SPTBN5: variants seen among roughly 807,000 people sequenced by gnomAD.
SPTBN5 encodes spectrin beta, non-erythrocytic 5.
A neutral mutation model predicts 477.6 loss-of-function variants in SPTBN5; 513 were observed. That is an observed-to-expected ratio of 1.07 (90% CI 1.00 to 1.16). SPTBN5 has a LOEUF of 1.16. Ranked by LOEUF, SPTBN5 falls within the 50% of genes most tolerant of loss-of-function variation. The pLI, the probability that SPTBN5 is intolerant of heterozygous loss-of-function variation, is 0.00. For synonymous variants in SPTBN5, 2,169 were observed against 2,011.7 expected (o/e 1.08, Z -2.09); for missense variants, 5,062 against 4,731.8 (o/e 1.07, Z -2.05).
In SPTBN5 at chr15:41,862,891, G is replaced by T; in HGVS notation, c.7162C>A (p.Gln2388Lys). Residue 2388 changes from glutamine to lysine, a missense_variant, in exon 42 of 68, where the codon CAG becomes AAG. Physicochemically the swap from Gln to Lys is moderately conservative, Grantham distance 53. Transcript: ENST00000320955. ...KRIQEKEALI[Q>K]ALDCGKDLES... ...AGATCTTTCCCACAGTCCAGGGCCT[G>T]GATCAGGGCTTCCTGGAGGAGGGGC... 1 of 1,579,628 alleles carries T rather than the reference G, an allele frequency of 6.3e-7. No homozygotes were observed. Among genetic ancestry groups the T allele is most frequent in the Admixed American group, 1.8e-5 (1 of 55,232 alleles).
rs11070351 is a variant in SPTBN5, at chr15:41,865,036, G to A, written c.6918+772C>T. On this transcript the variant is annotated intron_variant, in intron 39 of 67. Coordinates refer to ENST00000320955, the MANE Select transcript of SPTBN5 (RefSeq NM_016642.4). ...TTCCTACTGCAGCATCTGGCACAGCGTCTGTGAAATTCCACCATTAACAAG... is the reference window on the plus strand; with the variant it reads ...TTCCTACTGCAGCATCTGGCACAGCATCTGTGAAATTCCACCATTAACAAG... Among the ~76,000 whole-genome samples, 199 of 152,314 alleles carry A rather than the reference G, an allele frequency of 1.3e-3. 1 individual carries two copies. Among genetic ancestry groups the A allele is most frequent in the African/African-American group, 4.6e-3 (193 of 41,558 alleles).
rs556029022 is a variant in SPTBN5, at chr15:41,863,767, C to A, written c.7086G>T (p.Gly2362=). The A allele has an allele frequency of 1.9e-5, 30 of 1,613,808 alleles. No individual in the cohort carries two copies. In the South Asian group the frequency reaches 2.5e-4, roughly 14 times the overall value. Reference sequence around the variant, plus strand: ...GGGACAACACGTGTATCTCCAAGGCCCCTTCGAGCTGCTGCTGGTACCGGA... The same window carrying A: ...GGGACAACACGTGTATCTCCAAGGCACCTTCGAGCTGCTGCTGGTACCGGA... ...NLLRYQQQLE[G]ALEIHVLSRE... is the part of the protein sequence containing the mutation. Residue 2362 remains glycine, a synonymous_variant, in exon 41 of 68, where the codon GGG becomes GGT. Coordinates refer to ENST00000320955, the MANE Select transcript of SPTBN5 (RefSeq NM_016642.4).
chr15:41,869,877 C>A lies in SPTBN5; in HGVS notation c.5817G>T (p.Leu1939=). ...AGCGGGCCAGGAGGCGTGCCCGCTCCAGCTGGGCCCTGCGCTGCTCCATGC... is the reference window on the plus strand; with the variant it reads ...AGCGGGCCAGGAGGCGTGCCCGCTCAAGCTGGGCCCTGCGCTGCTCCATGC... ...QRRMEQRRAQ[L]ERARLLARFR... The change falls in exon 32 of 68, where the codon CTG becomes CTT. Residue 1939 remains leucine, a synonymous_variant. Transcript: ENST00000320955. 6.4e-7 allele frequency: 1 copy of A among 1,553,496 alleles called. No homozygotes were observed. The highest frequency in any genetic ancestry group is 8.6e-7 in the Non-Finnish European group (1 of 1,158,980).
intron 66 of SPTBN5, chr15:41,850,307 A>G: frequency 3.1e-6 from 1 of 323,466 alleles, no homozygotes; most frequent in South Asian, 3.9e-5. Context: ...CAGAGCTAGG[A>G]TCCCAGACAC....
intron 47 of SPTBN5, 30 bp downstream of exon 47, chr15:41,860,556 C>A: frequency 7.3e-7 from 1 of 1,365,032 alleles, no homozygotes; most frequent in East Asian, 3.0e-5. Context: ...AGCCTGCCCA[C>A]AGCACCCCTC....
chr15:41,864,957 C>T (rs1450016217), intron 39 of SPTBN5, among the ~76,000 whole-genome samples: 2 of 152,262 alleles, frequency 1.3e-5, no homozygotes. Flanking sequence ...GCTAACCTGG[C>T]TCCTTTGCGG....
rs544309533 is a variant in SPTBN5 at position 41,856,313 on chromosome 15, G to A, written c.9021+73C>T. 177 of 1,365,068 alleles carry A rather than the reference G, an allele frequency of 1.3e-4. 1 individual carries two copies. In the Middle Eastern group the frequency reaches 1.3e-3, roughly 10 times the overall value. 84.6% of individuals were successfully genotyped at this position (1,365,068 alleles called of 1,614,324 possible). On this transcript the variant is annotated intron_variant, in intron 53 of 67. Coordinates refer to ENST00000320955, the MANE Select transcript of SPTBN5 (RefSeq NM_016642.4). ...GAAAGGTGCCCAGGCCAGGAGCCCC[G>A]GAGTGACCTCCCAGCCGCACTCGCC...
rs371238537 is a variant in SPTBN5, at chr15:41,866,244, G to A, written c.6631-15C>T. 5.0e-6 allele frequency: 8 copies of A among 1,584,224 alleles called. No individual in the cohort carries two copies. The highest frequency in any genetic ancestry group is 1.8e-5 in the Admixed American group (1 of 54,562). ...GCCTCTCCCTTCTGGAGGGAGAGAGGGGACACAGGACATCTTGCCTGCTGC... is the reference window on the plus strand; with the variant it reads ...GCCTCTCCCTTCTGGAGGGAGAGAGAGGACACAGGACATCTTGCCTGCTGC... On this transcript the variant is annotated splice_polypyrimidine_tract_variant and intron_variant, in intron 37 of 67. Coordinates refer to ENST00000320955, the MANE Select transcript of SPTBN5 (RefSeq NM_016642.4).
chr15:41,889,955 TGGA>T, intron 4 of SPTBN5, 131 bp downstream of exon 4: 1 of 628,156 alleles, frequency 1.6e-6, no homozygotes, highest in Non-Finnish European at 2.9e-6. Context: ...AGAGTGAATA[TGGA>T]CTTTGCAGTT....
In SPTBN5 at chr15:41,862,555, T is replaced by A. The variant is rs1452289412; in HGVS notation, c.7369A>T (p.Ser2457Cys). 3.8e-6 allele frequency: 6 copies of A among 1,566,920 alleles called. No homozygotes were observed. Among genetic ancestry groups the A allele is most frequent in the Non-Finnish European group, 5.2e-6 (6 of 1,156,398 alleles). Residue 2457 changes from serine (S) to cysteine (C), a missense_variant, in exon 43 of 68, where the codon AGC (serine) becomes TGC (cysteine). Transcript: ENST00000320955. ...EVAESWWQLR[S>C]RAQKRREALD... ...GGTTCATACCGCTTCTGGGCCCTGC[T>A]CCGGAGCTGCCACCAGCTCTCAGCC...
chr15:41,876,847 G>C lies in SPTBN5; in HGVS notation c.3813C>G (p.Gly1271=). The change falls in exon 19 of 68, where the codon GGC becomes GGG. Residue 1271 remains glycine, a synonymous_variant. Transcript: ENST00000320955. The part of the protein sequence containing the change: ...GPRAEALRAH[G]EKLVQSQHPA... ...GGTGCTGGCTCTGAACCAGCTTCTC[G>C]CCGTGTGCCCGCAGAGCCTCTGCCC... The C allele has an allele frequency of 6.2e-7, 1 of 1,610,386 alleles. No individual in the cohort carries two copies. Among genetic ancestry groups the C allele is most frequent in the East Asian group, 2.2e-5 (1 of 44,874 alleles).
At position 41,865,849 on chromosome 15, in the gene SPTBN5, G is replaced by T; in HGVS notation, c.6877C>A (p.Leu2293Ile). 1 of 1,581,252 alleles carries T rather than the reference G, an allele frequency of 6.3e-7. No individual in the cohort carries two copies. Among genetic ancestry groups the T allele is most frequent in the Non-Finnish European group, 8.6e-7 (1 of 1,164,210 alleles). Residue 2293 changes from leucine (L) to isoleucine (I), a missense_variant, in exon 39 of 68, where the codon CTC becomes ATC. Transcript: ENST00000320955. ...LGQDLEHCLQ[L>I]RRRLREFRGN... ...CGGAACTCGCGGAGCCGCCGTCGGAGCTGCAGGCAGTGCTCCAGGTCCTGG... is the reference window on the plus strand; with the variant it reads ...CGGAACTCGCGGAGCCGCCGTCGGATCTGCAGGCAGTGCTCCAGGTCCTGG...
Position 41,878,326 on chromosome 15 carries a change from G to A in SPTBN5, c.3470+16C>T, listed in dbSNP as rs1226491007. 7 of 1,609,952 alleles carry A rather than the reference G, an allele frequency of 4.3e-6. No homozygotes were observed. The highest frequency in any genetic ancestry group is 5.9e-6 in the Non-Finnish European group (7 of 1,177,464). ...TCCCAGCCCAAAGTGCACCCCTTCT[G>A]CCCTCCTGTCCTGACCTCTCCTGCC... On this transcript the variant is annotated intron_variant, in intron 17 of 67. Coordinates refer to ENST00000320955, the MANE Select transcript of SPTBN5 (RefSeq NM_016642.4).
rs1380432103 is a variant in SPTBN5 at position 41,874,692 on chromosome 15, G to A, written c.4502+150C>T. 19 of 908,400 alleles carry A rather than the reference G, an allele frequency of 2.1e-5. No homozygotes were observed. The East Asian group carries it at 4.3e-4, about 20-fold the overall frequency. 56.3% of individuals were successfully genotyped at this position (908,400 alleles called of 1,614,324 possible). A position where few individuals can be genotyped will look rare whatever the true frequency, so the allele number is the denominator to read the frequency against. ...GCACTGTGGGGGTCCTGCTAAGGAA[G>A]CATAATGGGGTCTCCGACCCTCCCA... On this transcript the variant is annotated intron_variant, in intron 23 of 67. Transcript: ENST00000320955.
chr15:41,886,276 T>C lies in SPTBN5; in HGVS notation c.979A>G (p.Met327Val), dbSNP rs2140966523. Residue 327 changes from methionine (M) to valine (V), a missense_variant, in exon 7 of 68, where the codon ATG (methionine) becomes GTG (valine). By Grantham distance (21) the Met-to-Val change is conservative (BLOSUM62 1). Coordinates refer to ENST00000320955, the MANE Select transcript of SPTBN5 (RefSeq NM_016642.4). Reference sequence around the variant, plus strand: ...GGAAAATCCCGCGCCTCCAGCTGCATCTGCTTCTCTGCAATCCAGCGTAGA... The same window carrying C: ...GGAAAATCCCGCGCCTCCAGCTGCACCTGCTTCTCTGCAATCCAGCGTAGA... The part of the protein sequence containing the change: ...DLLRWIAEKQ[M>V]QLEARDFPDS... 1 of 1,613,362 alleles carries C rather than the reference T, an allele frequency of 6.2e-7. No individual in the cohort carries two copies. Among genetic ancestry groups the C allele is most frequent in the African/African-American group, 1.3e-5 (1 of 75,072 alleles).
At chr15:41,888,246 A>G (rs1211404237) in intron 4 of SPTBN5, among the ~76,000 whole-genome samples, 161 bp from the exon 5 acceptor site, 1 of 152,168 alleles carries the variant, frequency 6.6e-6, no homozygotes, top group African/African-American at 2.4e-5. Flanking sequence ...ATTTTGCCCA[A>G]TTTCATCCAC....
intron 39 of SPTBN5, among the ~76,000 whole-genome samples, chr15:41,864,258 G>A (rs1463501094): frequency 6.6e-6 from 1 of 152,204 alleles, no homozygotes; most frequent in Admixed American, 6.5e-5. Flanking sequence ...CATCTCTAAG[G>A]CCAGAAAATG....
rs746648266 is a variant in SPTBN5 at position 41,876,331 on chromosome 15, GGCTGGT to G, written c.3952-53_3952-48del. The stretch of plus-strand genomic sequence containing the variant: ...TGGGTCTCAGAGCACGGTGGGTGGG[GGCTGGT>G]GCCTAGCCCTGCATCTGAGGGTGGT... On this transcript the variant is annotated intron_variant, in intron 20 of 67. Transcript: ENST00000320955. 18 of 1,497,352 alleles carry G rather than the reference GGCTGGT, an allele frequency of 1.2e-5. No individual in the cohort carries two copies. The African/African-American group carries it at 2.3e-4, about 20-fold the overall frequency. The allele number at this position is 1,497,352 out of a possible 1,614,324, so 92.8% of individuals were successfully genotyped here.
Position 41,848,489 on chromosome 15 carries a change from G to A in SPTBN5, c.*127C>T. ...AAGGAACTGTCTATTCCAGAAGCTG[G>A]GCCTGGGGAACTGGGTTGAAGCAGC... On this transcript the variant is annotated 3_prime_UTR_variant, in exon 68 of 68. Transcript: ENST00000320955. The A allele has an allele frequency of 9.2e-7, 1 of 1,087,254 alleles. No individual in the cohort carries two copies. The highest frequency in any genetic ancestry group is 1.4e-6 in the Non-Finnish European group (1 of 701,714). The allele number at this position is 1,087,254 out of a possible 1,614,324, so 67.4% of individuals were successfully genotyped here. A position where few individuals can be genotyped will look rare whatever the true frequency, so the allele number is the denominator to read the frequency against.
Sources: allele counts gnomAD v4.1 joint callset (sites outside exome capture counted in the v4.1 genomes callset), GRCh38; gene constraint gnomAD v4.1.1; transcripts MANE v1.5; gene names NCBI Gene and HGNC (gene_info 2026-07-23, HGNC 2026-07-21).